The following BCL2L13 variants were observed in gnomAD, a reference collection of about 807,000 sequenced individuals.
BCL2L13 encodes the protein BCL2 like 13, also known as bcl-2-like protein 13.
A neutral mutation model predicts 25.8 loss-of-function variants in BCL2L13; 13 were observed. That is an observed-to-expected ratio of 0.50 (90% CI 0.33 to 0.80). The LOEUF is 0.80. BCL2L13 is among the 30% of genes least tolerant of loss of function. BCL2L13 has a pLI of 0.02. For synonymous variants in BCL2L13, 244 were observed against 230.3 expected, an observed-to-expected ratio of 1.06 and a Z score of -0.54; for missense variants, 504 against 574.9, an observed-to-expected ratio of 0.88 and a Z score of 1.26.
intron 5 of BCL2L13, among the ~76,000 whole-genome samples, chr22:17,696,556 AG>A (rs1351628051): frequency 4.6e-5 from 7 of 152,148 alleles, no homozygotes; most frequent in Non-Finnish European, 7.4e-5. Flanking sequence ...TTTACTTGGG[AG>A]GTAGCCTCTT....
Position 17,683,195 on chromosome 22 carries a change from C to A in BCL2L13, c.122-19C>A. 1 of 1,328,164 alleles carries A rather than the reference C, an allele frequency of 7.5e-7. No individual in the cohort carries two copies. The highest frequency in any genetic ancestry group is 2.0e-5 in the Admixed American group (1 of 50,504). The allele number at this position is 1,328,164 out of a possible 1,614,324, so 82.3% of individuals were successfully genotyped here. A position where few individuals can be genotyped will look rare whatever the true frequency, so the allele number is the denominator to read the frequency against. Reference sequence around the variant, plus strand: ...TTCTCTCTCCCTCTTTCAATAATAACCTTTTTTGTTGCTTTCAGGGGTTCA... The same window carrying A: ...TTCTCTCTCCCTCTTTCAATAATAAACTTTTTTGTTGCTTTCAGGGGTTCA... On this transcript the variant is annotated intron_variant, in intron 2 of 6. Transcript: ENST00000317582.
intron 5 of BCL2L13, among the ~76,000 whole-genome samples, chr22:17,700,910 G>A (rs2060413589): frequency 6.6e-6 from 1 of 151,964 alleles, no homozygotes; most frequent in Admixed American, 6.6e-5. Context: ...ATTGTTTTTT[G>A]TTTGTCCTCC....
chr22:17,635,393 T>TA (rs1043005017), upstream of BCL2L13, among the ~76,000 whole-genome samples: 16 of 151,660 alleles, frequency 1.1e-4, no homozygotes, highest in Admixed American at 5.3e-4. Context: ...GCAAATTAAA[T>TA]AAAAAAACTC....
At chr22:17,649,243 G>C (rs536990677) in intron 1 of BCL2L13, among the ~76,000 whole-genome samples, 1 of 151,616 alleles carries the variant, frequency 6.6e-6, no homozygotes, top group Admixed American at 6.6e-5. Context: ...TATTATAGGC[G>C]CACGCCACCA....
At chr22:17,713,833 G>A (rs924491327) in intron 6 of BCL2L13, among the ~76,000 whole-genome samples, 1 of 151,824 alleles carries the variant, frequency 6.6e-6, no homozygotes, top group East Asian at 1.9e-4. Flanking sequence ...ATAAGTTGGG[G>A]ACTGTCTATA....
intron 6 of BCL2L13, among the ~76,000 whole-genome samples, chr22:17,712,724 T>C (rs2060798338): frequency 6.6e-6 from 1 of 152,232 alleles, no homozygotes; most frequent in Non-Finnish European, 1.5e-5. Flanking sequence ...GCTTAACTGT[T>C]GATATGGCTT....
At chr22:17,651,397 A>T (rs4239847) in intron 1 of BCL2L13, among the ~76,000 whole-genome samples, 53 of 14,646 alleles carry the variant, frequency 3.6e-3, no homozygotes, top group East Asian at 0.028. Context: ...TTATTTATTT[A>T]TTTGAGACGG....
intron 3 of BCL2L13, among the ~76,000 whole-genome samples, chr22:17,685,106 T>G (rs2059885243): frequency 6.6e-6 from 1 of 152,054 alleles, no homozygotes; most frequent in African/African-American, 2.4e-5. Context: ...ACTCCTGACC[T>G]CAGGTGATCC....
chr22:17,657,802 C>CA (rs1194812396), intron 2 of BCL2L13, among the ~76,000 whole-genome samples: 1 of 149,216 alleles, frequency 6.7e-6, no homozygotes, highest in African/African-American at 2.5e-5. Context: ...AGGCGTGAGC[C>CA]ACCACACCTG....
intron 1 of BCL2L13, among the ~76,000 whole-genome samples, chr22:17,649,867 T>G (rs1330899305): frequency 8.7e-6 from 1 of 114,340 alleles, no homozygotes; most frequent in Non-Finnish European, 1.7e-5. Context: ...CTTTTTTTTC[T>G]TTTCTTTTTT....
chr22:17,685,473 C>T (rs1482223629), intron 3 of BCL2L13, among the ~76,000 whole-genome samples: 2 of 152,206 alleles, frequency 1.3e-5, no homozygotes, highest in East Asian at 3.9e-4. Context: ...ATCCACCTGT[C>T]TCGGCCTCCC....
chr22:17,651,929 A>T (rs974061803), intron 1 of BCL2L13, among the ~76,000 whole-genome samples: 1 of 151,762 alleles, frequency 6.6e-6, no homozygotes, highest in Admixed American at 6.6e-5. Flanking sequence ...TGATTGCGTG[A>T]TCCACCTGCC....
chr22:17,704,211 G>T (rs1301577957), intron 6 of BCL2L13, among the ~76,000 whole-genome samples: 1 of 152,034 alleles, frequency 6.6e-6, no homozygotes, highest in Non-Finnish European at 1.5e-5. Context: ...TCAGCCTCCT[G>T]AGTAGCAGAG....
chr22:17,727,095 A>AAGTGCAAGG lies in BCL2L13; in HGVS notation c.1021_1022insTGCAAGGAG (p.Glu340_Ala341insValGlnGly). On this transcript the variant is annotated inframe_insertion, in exon 7 of 7. Transcript: ENST00000317582. ...CGGGAGCTGCAAGAGGCACTTCCTG[A>AAGTGCAAGG]AGCCCCAGCTCCCTTGCTTCCACAT... The AAGTGCAAGG allele has an allele frequency of 6.2e-7, 1 of 1,614,176 alleles. No individual in the cohort carries two copies. The highest frequency in any genetic ancestry group is 8.5e-7 in the Non-Finnish European group (1 of 1,180,028).
chr22:17,645,861 C>A (rs560336422), intron 1 of BCL2L13, among the ~76,000 whole-genome samples: 10 of 151,362 alleles, frequency 6.6e-5, no homozygotes, highest in Non-Finnish European at 1.0e-4. Context: ...GCAGATTCCA[C>A]CAGTCTTGAT....
chr22:17,721,389 A>G (rs2061125024), intron 6 of BCL2L13, among the ~76,000 whole-genome samples: 1 of 152,102 alleles, frequency 6.6e-6, no homozygotes, highest in South Asian at 2.1e-4. Flanking sequence ...TTAATTTAAA[A>G]AATTTTGTTA....
rs1044429631 is a variant in BCL2L13, at chr22:17,729,207, A to G, written c.*1673A>G. 6.6e-6 allele frequency: 1 copy of G among 152,232 alleles called. No homozygotes were observed. The highest frequency in any genetic ancestry group is 1.5e-5 in the Non-Finnish European group (1 of 68,044). The allele number at this position is 152,232 out of a possible 1,614,324, so 9.4% of individuals were successfully genotyped here. A position where few individuals can be genotyped will look rare whatever the true frequency, so the allele number is the denominator to read the frequency against. ...TCAAATAAAATCTCCCTAAAGCAAT[A>G]TTTAAAAATTGGTCAAAACAAGGTC... On this transcript the variant is annotated 3_prime_UTR_variant, in exon 7 of 7. Coordinates refer to ENST00000317582, the MANE Select transcript of BCL2L13 (RefSeq NM_015367.4).
chr22:17,644,558 T>A (rs75038815), intron 1 of BCL2L13, among the ~76,000 whole-genome samples: 8,217 of 150,998 alleles, frequency 0.054, 621 homozygotes, highest in African/African-American at 0.13. Flanking sequence ...TCTCAATCTC[T>A]TGACCTCGTG....
chr22:17,692,620 A>G (rs952014473), intron 4 of BCL2L13, among the ~76,000 whole-genome samples: 7 of 152,228 alleles, frequency 4.6e-5, no homozygotes, highest in African/African-American at 1.7e-4. Context: ...TATGCTGTAT[A>G]CATTTCATCA....
Sources: gnomAD v4.1 joint callset for allele counts (sites outside exome capture counted in the v4.1 genomes callset) on GRCh38, gnomAD v4.1.1 for gene constraint, MANE v1.5 for transcripts, NCBI Gene and HGNC (gene_info 2026-07-23, HGNC 2026-07-21) for gene names.